The following DNMT3A variants were observed in gnomAD, a reference collection of about 807,000 sequenced individuals.
DNMT3A encodes the protein DNA methyltransferase 3 alpha, also known as DNA (cytosine-5)-methyltransferase 3A.
A neutral mutation model predicts 117.6 loss-of-function variants in DNMT3A; 267 were observed. That is an observed-to-expected ratio of 2.27 (90% CI 2.05 to 2.51). The LOEUF (loss-of-function observed/expected upper bound fraction) is 2.51. Among genes scored for constraint, DNMT3A ranks in the 30% most tolerant of loss-of-function variants. The probability of loss-of-function intolerance (pLI) is 0.00; values close to 1 mark genes in which losing one functional copy is unlikely to be tolerated. For missense variants in DNMT3A, 1,029 were observed against 1,260.2 expected (o/e 0.82, Z 2.78); for synonymous variants, 432 against 474.8 (o/e 0.91, Z 1.17).
intron 1 of DNMT3A, among the ~76,000 whole-genome samples, chr2:25,341,279 G>T (rs2035433328): frequency 6.9e-6 from 1 of 144,186 alleles, no homozygotes; most frequent in Non-Finnish European, 1.5e-5. Flanking sequence ...CGGAGCCTGC[G>T]CGGGGCCCGG....
intron 19 of DNMT3A, 27 bp from the exon 20 acceptor site, chr2:25,239,242 T>A (rs1232969362): frequency 1.9e-6 from 3 of 1,608,394 alleles, no homozygotes; most frequent in Non-Finnish European, 2.6e-6. Flanking sequence ...GGTTTGAAGA[T>A]GAGCCAAGGA....
Position 25,320,859 on chromosome 2 carries a change from C to A in DNMT3A, c.-177-6698G>T, listed in dbSNP as rs544458237. On this transcript the variant is annotated intron_variant, in intron 1 of 22. Coordinates refer to ENST00000321117, the MANE Select transcript of DNMT3A (RefSeq NM_022552.5). ...AAAACAACACATTATCGGCCGGGCG[C>A]GGTGGCTCACACCTGTAATCCCAGC... is the stretch of plus-strand genomic sequence containing the variant. 7.4e-4 allele frequency among the ~76,000 whole-genome samples: 112 copies of A among 152,194 alleles called. 1 individual carries two copies. In the Middle Eastern group the frequency reaches 0.027, roughly 37 times the overall value.
In DNMT3A at chr2:25,306,417, T is replaced by C. The variant is rs1558727937; in HGVS notation, c.73-6174A>G. 6.6e-6 allele frequency among the ~76,000 whole-genome samples: 1 copy of C among 152,306 alleles called. No homozygotes were observed. The highest frequency in any genetic ancestry group is 1.9e-4 in the East Asian group (1 of 5,192). On this transcript the variant is annotated intron_variant, in intron 2 of 22. Transcript: ENST00000321117. This position sits in a 1 kb window ranked among gnomAD's most constrained non-coding sequence, Gnocchi z 4.1. ...ACCATTGACTGCTTAGGTCGTGTCA[T>C]AATTACCGAGGAAAGCCTTCCATCC... is the stretch of plus-strand genomic sequence containing the variant.
intron 1 of DNMT3A, among the ~76,000 whole-genome samples, chr2:25,332,338 C>T (rs2035044677): frequency 6.6e-6 from 1 of 152,240 alleles, no homozygotes; most frequent in Non-Finnish European, 1.5e-5. Flanking sequence ...GCTCAAGCGT[C>T]ACCTCCTTTA....
intron 6 of DNMT3A, among the ~76,000 whole-genome samples, chr2:25,261,121 C>A (rs993614853): frequency 1.3e-5 from 2 of 151,980 alleles, no homozygotes; most frequent in African/African-American, 2.4e-5. Flanking sequence ...TGGTGAAAAC[C>A]CATCTCTACT....
At chr2:25,335,573 T>C (rs74583664) in intron 1 of DNMT3A, among the ~76,000 whole-genome samples, 4,857 of 152,288 alleles carry the variant, frequency 0.032, 275 homozygotes, top group African/African-American at 0.11. Context: ...GAAGGATCAC[T>C]GGAACCCATG....
intron 6 of DNMT3A, chr2:25,249,579 T>C: frequency 2.6e-6 from 4 of 1,519,604 alleles, no homozygotes; most frequent in Non-Finnish European, 3.7e-6. Flanking sequence ...AGACCAGGCG[T>C]GCTCTCTGCC....
At chr2:25,314,803 C>T (rs1239799998) in intron 1 of DNMT3A, 3 of 731,072 alleles carry the variant, frequency 4.1e-6, no homozygotes, top group Non-Finnish European at 5.0e-6. Context: ...CTGCTCTCTC[C>T]CCCACCCCAT....
Position 25,230,787 on chromosome 2 carries a change from G to A in DNMT3A, c.*3492C>T, listed in dbSNP as rs1378298415. 9.0e-6 allele frequency: 1 copy of A among 110,686 alleles called. No homozygotes were observed. The highest frequency in any genetic ancestry group is 3.9e-4 in the South Asian group (1 of 2,564). The allele number at this position is 110,686 out of a possible 1,614,324, so 6.9% of individuals were successfully genotyped here. ...CTGGTGATTGTTAACTCTCGTCCCT[G>A]CAAGGGGGGGGGGGGGGGGGCCATG... On this transcript the variant is annotated 3_prime_UTR_variant, in exon 23 of 23. Coordinates refer to ENST00000321117, the MANE Select transcript of DNMT3A (RefSeq NM_022552.5).
At chr2:25,246,846 C>T in intron 9 of DNMT3A, 70 bp from the exon 10 acceptor site, 8 of 1,585,938 alleles carry the variant, frequency 5.0e-6, no homozygotes, top group Non-Finnish European at 5.1e-6. Flanking sequence ...GGCTCAAGGC[C>T]AGACTCTGAG....
intron 2 of DNMT3A, among the ~76,000 whole-genome samples, chr2:25,309,155 C>T (rs1277044785): frequency 2.0e-5 from 3 of 152,202 alleles, no homozygotes; most frequent in East Asian, 1.9e-4. Context: ...TTACCCACCT[C>T]GATGTCTTCC....
intron 16 of DNMT3A, 191 bp from the exon 17 acceptor site, chr2:25,241,898 G>C (rs1021887616): frequency 1.5e-6 from 1 of 684,962 alleles, no homozygotes; most frequent in Non-Finnish European, 2.3e-6. Context: ...TCGAGGCTCT[G>C]TCTCATGCCT....
chr2:25,297,832 T>C lies in DNMT3A; in HGVS notation c.177+2307A>G, dbSNP rs180805151. On this transcript the variant is annotated intron_variant, in intron 3 of 22. Transcript: ENST00000321117. ...GCCCAGCCTGCACATTTGGACTCTT[T>C]TGCTGTTTGCCAAGTGCCCCAGGAG... Among the ~76,000 whole-genome samples the C allele has an allele frequency of 1.5e-3, 233 of 152,312 alleles. 3 individuals carry two copies. Among genetic ancestry groups the C allele is most frequent in the African/African-American group, 4.6e-3 (191 of 41,584 alleles).
chr2:25,240,186 CTTGCAAA>C (rs1353176670), intron 19 of DNMT3A, 109 bp downstream of exon 19: 60 of 1,483,518 alleles, frequency 4.0e-5, no homozygotes, highest in Non-Finnish European at 5.5e-5. Flanking sequence ...AAACAGGCCC[CTTGCAAA>C]GCAGAAGTCA....
Position 25,232,817 on chromosome 2 carries a change from A to G in DNMT3A, c.*1462T>C, listed in dbSNP as rs1374836831. ...CCAGAACCATAAGAATAATTATAATAAAAGGTGTCATCAGCCTCCCAGTAT... is the reference window on the plus strand; with the variant it reads ...CCAGAACCATAAGAATAATTATAATGAAAGGTGTCATCAGCCTCCCAGTAT... On this transcript the variant is annotated 3_prime_UTR_variant, in exon 23 of 23. Coordinates refer to ENST00000321117, the MANE Select transcript of DNMT3A (RefSeq NM_022552.5). The surrounding 1 kb of genome is among the most constrained non-coding windows in gnomAD (Gnocchi z 4.1). 3 of 216,066 alleles carry G rather than the reference A, an allele frequency of 1.4e-5. No individual in the cohort carries two copies. Among genetic ancestry groups the G allele is most frequent in the African/African-American group, 6.8e-5 (3 of 44,350 alleles). The allele number at this position is 216,066 out of a possible 1,614,324, so 13.4% of individuals were successfully genotyped here. A position where few individuals can be genotyped will look rare whatever the true frequency, so the allele number is the denominator to read the frequency against.
intron 1 of DNMT3A, among the ~76,000 whole-genome samples, chr2:25,341,613 A>G (rs980133757): frequency 6.9e-6 from 1 of 145,756 alleles, no homozygotes; most frequent in Admixed American, 6.8e-5. Context: ...GGGGACATAA[A>G]CAAACCCTCA....
chr2:25,308,894 G>A (rs2033923859), intron 2 of DNMT3A, among the ~76,000 whole-genome samples: 1 of 152,042 alleles, frequency 6.6e-6, no homozygotes, highest in Non-Finnish European at 1.5e-5. Flanking sequence ...ATCAGTGGCT[G>A]CCAGGCCTCT....
intron 21 of DNMT3A, 118 bp from the exon 22 acceptor site, chr2:25,235,943 G>A: frequency 6.4e-6 from 6 of 934,122 alleles, no homozygotes; most frequent in Non-Finnish European, 8.6e-6. Context: ...GGTCCACCCA[G>A]GGGGCTGGGT....
At position 25,296,551 on chromosome 2, in the gene DNMT3A, G is replaced by T. The variant is rs1007460294; in HGVS notation, c.177+3588C>A. Reference sequence around the variant, plus strand: ...CCGGTGCTACATTTACTGTGATTATGTGTGGCCTCCTCTCTCCAGCACACT... The same window carrying T: ...CCGGTGCTACATTTACTGTGATTATTTGTGGCCTCCTCTCTCCAGCACACT... On this transcript the variant is annotated intron_variant, in intron 3 of 22. Coordinates refer to ENST00000321117, the MANE Select transcript of DNMT3A (RefSeq NM_022552.5). The surrounding 1 kb of genome is among the most constrained non-coding windows in gnomAD (Gnocchi z 4.2). 2.0e-5 allele frequency among the ~76,000 whole-genome samples: 3 copies of T among 152,226 alleles called. No homozygotes were observed. The highest frequency in any genetic ancestry group is 7.2e-5 in the African/African-American group (3 of 41,448).
Sources: gnomAD v4.1 joint callset for allele counts (sites outside exome capture counted in the v4.1 genomes callset) on GRCh38, gnomAD v4.1.1 for gene constraint, Gnocchi (gnomAD v3.1) non-coding constraint, MANE v1.5 for transcripts, NCBI Gene and HGNC (gene_info 2026-07-23, HGNC 2026-07-21) for gene names.